Variants in TYR observed in about 807,000 individuals in gnomAD.
The protein encoded by TYR is LB24-AB.
TYR carries 58 observed loss-of-function variants against 51.5 expected under a neutral mutation model. The observed-to-expected ratio is 1.13, with a 90% CI of 0.91 to 1.40. TYR has a LOEUF of 1.40. TYR is among the 40% of genes most tolerant of loss of function. TYR has a pLI of 0.00. For synonymous variants in TYR, 263 were observed against 235.2 expected, an observed-to-expected ratio of 1.12 and a Z score of -1.08; for missense variants, 732 against 647.4, an observed-to-expected ratio of 1.13 and a Z score of -1.42.
intron 3 of TYR, among the ~76,000 whole-genome samples, chr11:89,243,884 G>A (rs1047806222): frequency 6.6e-6 from 1 of 151,914 alleles, no homozygotes; most frequent in African/African-American, 2.4e-5. Flanking sequence ...AAATAAGGAA[G>A]GTTATAGAAT....
intron 3 of TYR, among the ~76,000 whole-genome samples, chr11:89,282,938 C>T (rs969681269): frequency 2.0e-5 from 3 of 151,738 alleles, no homozygotes; most frequent in African/African-American, 7.3e-5. Context: ...TTATGTACCA[C>T]TTAACTGTGT....
chr11:89,239,799 T>C (rs1386708627), intron 3 of TYR, among the ~76,000 whole-genome samples: 1 of 152,164 alleles, frequency 6.6e-6, no homozygotes, highest in East Asian at 1.9e-4. Flanking sequence ...ATTGACCCAT[T>C]TGTTGTTCAG....
intron 3 of TYR, among the ~76,000 whole-genome samples, chr11:89,238,758 G>A (rs1052717360): frequency 6.6e-6 from 1 of 152,052 alleles, no homozygotes; most frequent in Admixed American, 6.6e-5. Flanking sequence ...ATTGAGGTAC[G>A]TTCCATCTAT....
At chr11:89,286,011 A>G (rs114647533) in intron 4 of TYR, among the ~76,000 whole-genome samples, 2,141 of 152,032 alleles carry the variant, frequency 0.014, 56 homozygotes, top group African/African-American at 0.047. Flanking sequence ...ATCCAGTGAT[A>G]CATGACTAGC....
chr11:89,209,077 T>C (rs374206694), intron 2 of TYR, among the ~76,000 whole-genome samples: 8 of 152,254 alleles, frequency 5.3e-5, no homozygotes, highest in East Asian at 3.9e-4. Context: ...ATTCATCTCA[T>C]TGGGACTGGT....
intron 2 of TYR, chr11:89,192,111 T>C (rs1392576256): frequency 1.4e-5 from 5 of 351,798 alleles, no homozygotes; most frequent in Non-Finnish European, 2.8e-5. Flanking sequence ...AGTTTTCTGT[T>C]CTTCATCAGA....
intron 3 of TYR, among the ~76,000 whole-genome samples, chr11:89,264,058 C>T (rs182298963): frequency 0.012 from 1,780 of 152,050 alleles, 34 homozygotes; most frequent in African/African-American, 0.041. Flanking sequence ...TTGCTGTGTA[C>T]CCTTAGAATA....
chr11:89,191,258 G>A lies in TYR; in HGVS notation c.876G>A (p.Thr292=), dbSNP rs773014785. ...YNSHQSLCNG[T]PEGPLRRNPG... ...GCCATCAGTCTTTATGCAATGGAAC[G>A]CCCGAGGGACCTTTACGGCGTAATC... The change falls in exon 2 of 5, where the codon ACG becomes ACA. Residue 292 remains threonine (T), a synonymous_variant. Transcript: ENST00000263321. 1.1e-5 allele frequency: 18 copies of A among 1,613,342 alleles called. No individual in the cohort carries two copies. Among genetic ancestry groups the A allele is most frequent in the Admixed American group, 3.3e-5 (2 of 59,888 alleles).
At chr11:89,204,189 T>C (rs982681362) in intron 2 of TYR, among the ~76,000 whole-genome samples, 3 of 152,144 alleles carry the variant, frequency 2.0e-5, no homozygotes, top group Non-Finnish European at 4.4e-5. Context: ...TAGTGGTAAT[T>C]AGGCCACCCA....
chr11:89,227,813 T>A lies in TYR; in HGVS notation c.1037-10T>A. 6.2e-7 allele frequency: 1 copy of A among 1,611,028 alleles called. No individual in the cohort carries two copies. Among genetic ancestry groups the A allele is most frequent in the Non-Finnish European group, 8.5e-7 (1 of 1,178,964 alleles). The stretch of plus-strand genomic sequence containing the variant: ...TAAACATATTTTTTTCATTTTTTTT[T>A]AATGAACAGGATTTGCTAGTCCACT... On this transcript the variant is annotated splice_polypyrimidine_tract_variant and intron_variant, in intron 2 of 4. Transcript: ENST00000263321.
At chr11:89,209,917 T>A (rs1048175911) in intron 2 of TYR, among the ~76,000 whole-genome samples, 1 of 152,092 alleles carries the variant, frequency 6.6e-6, no homozygotes, top group Non-Finnish European at 1.5e-5. Flanking sequence ...AGGAATACCA[T>A]CAACATCAAA....
rs190336757 is a variant in TYR at position 89,207,996 on chromosome 11, C to T, written c.1036+16578C>T. ...AATAAAAAGTTTTTAAGGCCAGGGG[C>T]GGTGGCTCACGCCTGTAATCCCAGC... On this transcript the variant is annotated intron_variant, in intron 2 of 4. Coordinates refer to ENST00000263321, the MANE Select transcript of TYR (RefSeq NM_000372.5). Among the ~76,000 whole-genome samples, 70 of 152,230 alleles carry T rather than the reference C, an allele frequency of 4.6e-4. 1 individual carries two copies. The East Asian group carries it at 0.012, about 26-fold the overall frequency.
Position 89,191,318 on chromosome 11 carries a change from C to G in TYR, c.936C>G (p.Leu312=). ...GNHDKSRTPR[L]PSSADVEFCL... ...ATGACAAATCCAGAACCCCAAGGCT[C>G]CCCTCTTCAGCTGATGTAGAATTTT... The change falls in exon 2 of 5, where the codon CTC becomes CTG. Residue 312 remains leucine (L), a synonymous_variant. Coordinates refer to ENST00000263321, the MANE Select transcript of TYR (RefSeq NM_000372.5). 6.2e-7 allele frequency: 1 copy of G among 1,613,728 alleles called. No individual in the cohort carries two copies. The highest frequency in any genetic ancestry group is 8.5e-7 in the Non-Finnish European group (1 of 1,179,784).
intron 3 of TYR, among the ~76,000 whole-genome samples, chr11:89,252,085 C>A (rs1174476589): frequency 6.6e-6 from 1 of 151,550 alleles, no homozygotes; most frequent in African/African-American, 2.4e-5. Context: ...TTTTCATGTT[C>A]TATGAGTAAG....
At chr11:89,292,043 T>A (rs1944857848) in intron 4 of TYR, among the ~76,000 whole-genome samples, 1 of 152,070 alleles carries the variant, frequency 6.6e-6, no homozygotes. Flanking sequence ...TTAAGACTTT[T>A]TTTTTCATTT....
At chr11:89,272,262 T>C (rs1457102058) in intron 3 of TYR, among the ~76,000 whole-genome samples, 2 of 151,906 alleles carry the variant, frequency 1.3e-5, no homozygotes, top group African/African-American at 4.8e-5. Context: ...AAAGTCAAAA[T>C]TACTCCTTAA....
chr11:89,255,992 T>G (rs1204602316), intron 3 of TYR, among the ~76,000 whole-genome samples: 2 of 151,740 alleles, frequency 1.3e-5, no homozygotes, highest in Non-Finnish European at 2.9e-5. Context: ...AGTGGCATTT[T>G]ACTTCTGTTC....
chr11:89,229,603 G>A (rs1195743979), intron 3 of TYR, among the ~76,000 whole-genome samples: 1 of 151,722 alleles, frequency 6.6e-6, no homozygotes, highest in Admixed American at 6.6e-5. Flanking sequence ...GAAAGGAAGA[G>A]GATATTGTTT....
At chr11:89,213,405 G>A (rs988624802) in intron 2 of TYR, among the ~76,000 whole-genome samples, 1 of 151,956 alleles carries the variant, frequency 6.6e-6, no homozygotes, top group Non-Finnish European at 1.5e-5. Flanking sequence ...TCTTCAAAGA[G>A]GACTACAAAC....
Sources: gnomAD v4.1 joint callset for allele counts (sites outside exome capture counted in the v4.1 genomes callset) on GRCh38, gnomAD v4.1.1 for gene constraint, MANE v1.5 for transcripts, NCBI Gene and HGNC (gene_info 2026-07-23, HGNC 2026-07-21) for gene names.